Variants in EPSTI1 observed in about 807,000 individuals in gnomAD.
The protein encoded by EPSTI1 is epithelial-stromal interaction protein 1.
Under a neutral mutation model 49.9 loss-of-function variants are expected in EPSTI1, and 66 were observed. The observed-to-expected ratio is 1.32, with a 90% CI of 1.08 to 1.62. The LOEUF is 1.62. Ranked by LOEUF, EPSTI1 falls within the 40% of genes most tolerant of loss-of-function variation. EPSTI1 has a pLI of 0.00. For synonymous variants in EPSTI1, 137 were observed against 130.7 expected, an observed-to-expected ratio of 1.05 and a Z score of -0.33; for missense variants, 394 against 365.5, an observed-to-expected ratio of 1.08 and a Z score of -0.64.
At chr13:42,959,305 C>T (rs557062578) in intron 5 of EPSTI1, among the ~76,000 whole-genome samples, 1 of 152,310 alleles carries the variant, frequency 6.6e-6, no homozygotes, top group African/African-American at 2.4e-5. Context: ...TAACCAAAGG[C>T]TTAATGCTTC....
In EPSTI1 at chr13:42,953,992, A is replaced by C; in HGVS notation, c.519T>G (p.Leu173=). The change falls in exon 6 of 11, where the codon CTT becomes CTG. Residue 173 remains leucine, a synonymous_variant. Coordinates refer to ENST00000313624, the MANE Select transcript of EPSTI1 (RefSeq NM_033255.5). Reference sequence around the variant, plus strand: ...ATGCTTCTCTTCTAAGGTTTTCTTGAAGTCTTTTTTTCTCCTCCAGTTTAT... The same window carrying C: ...ATGCTTCTCTTCTAAGGTTTTCTTGCAGTCTTTTTTTCTCCTCCAGTTTAT... ...KSNKLEEKKR[L]QENLRREAFR... 1.2e-6 allele frequency: 2 copies of C among 1,612,826 alleles called. No individual in the cohort carries two copies. Among genetic ancestry groups the C allele is most frequent in the Non-Finnish European group, 1.7e-6 (2 of 1,179,824 alleles).
chr13:42,891,769 C>A (rs1052460818), intron 10 of EPSTI1, among the ~76,000 whole-genome samples: 7 of 152,188 alleles, frequency 4.6e-5, no homozygotes, highest in Non-Finnish European at 5.9e-5. Flanking sequence ...TGTTTTATGC[C>A]TGGGATACAC....
rs146916624 is a variant in EPSTI1 at position 42,899,666 on chromosome 13, A to G, written c.815+644T>C. Among the ~76,000 whole-genome samples the G allele has an allele frequency of 5.9e-5, 9 of 152,346 alleles. No individual in the cohort carries two copies. In the East Asian group the frequency reaches 1.7e-3, roughly 29 times the overall value. On this transcript the variant is annotated intron_variant, in intron 9 of 10. Coordinates refer to ENST00000313624, the MANE Select transcript of EPSTI1 (RefSeq NM_033255.5). ...ACATTCTTCTCCAAGATACTCAAGT[A>G]CACCCCTAATGAACTCAACTCGTGT...
chr13:42,977,591 G>A (rs2039904279), intron 1 of EPSTI1, among the ~76,000 whole-genome samples: 1 of 152,236 alleles, frequency 6.6e-6, no homozygotes, highest in African/African-American at 2.4e-5. Context: ...GAGGCAACCT[G>A]AATATGGAAG....
intron 8 of EPSTI1, among the ~76,000 whole-genome samples, chr13:42,903,152 T>C (rs9525704): frequency 0.24 from 36,802 of 151,974 alleles, 4,481 homozygotes; most frequent in Admixed American, 0.26. Flanking sequence ...TTCTGGAGTA[T>C]GACACAAAGA....
At chr13:42,932,009 G>T (rs1264200381) in intron 6 of EPSTI1, among the ~76,000 whole-genome samples, 2 of 152,078 alleles carry the variant, frequency 1.3e-5, no homozygotes, top group African/African-American at 4.8e-5. Context: ...TGTTGCCCAG[G>T]CTGGACAGCA....
At chr13:42,958,427 TGAGA>T (rs1181727236) in intron 5 of EPSTI1, among the ~76,000 whole-genome samples, 2 of 151,792 alleles carry the variant, frequency 1.3e-5, no homozygotes, top group Non-Finnish European at 2.9e-5. Context: ...GATTAAATCC[TGAGA>T]AAGAAAAACA....
chr13:42,982,807 G>C (rs1263457727), intron 1 of EPSTI1, among the ~76,000 whole-genome samples: 2 of 152,258 alleles, frequency 1.3e-5, no homozygotes, highest in East Asian at 3.9e-4. Flanking sequence ...AAATTTCTCT[G>C]ACCTTCCTCT....
chr13:42,977,675 T>C (rs908900277), intron 1 of EPSTI1, among the ~76,000 whole-genome samples: 1 of 152,222 alleles, frequency 6.6e-6, no homozygotes, highest in African/African-American at 2.4e-5. Context: ...ACCACATCAG[T>C]GGTAATCCGT....
intron 7 of EPSTI1, among the ~76,000 whole-genome samples, chr13:42,921,866 GAAAA>G (rs34619320): frequency 6.8e-6 from 1 of 147,174 alleles, no homozygotes; most frequent in Non-Finnish European, 1.5e-5. Flanking sequence ...AGGAGGGAGA[GAAAA>G]AAAAAAATCC....
At chr13:42,984,497 G>A (rs1162031940) in intron 1 of EPSTI1, among the ~76,000 whole-genome samples, 6 of 152,188 alleles carry the variant, frequency 3.9e-5, no homozygotes, top group East Asian at 1.9e-4. Context: ...CTTAAGTTCT[G>A]TCTCAGACAT....
chr13:42,926,262 A>C (rs2038173842), intron 7 of EPSTI1, 74 bp downstream of exon 7: 2 of 877,276 alleles, frequency 2.3e-6, no homozygotes, highest in Non-Finnish European at 3.9e-6. Flanking sequence ...AAGTCACTCT[A>C]TATCCCTCAT....
chr13:42,928,990 A>G (rs1193256542), intron 6 of EPSTI1, among the ~76,000 whole-genome samples: 1 of 152,208 alleles, frequency 6.6e-6, no homozygotes, highest in African/African-American at 2.4e-5. Flanking sequence ...GTTCCTAAAT[A>G]CCTGAGTGGA....
rs115387389 is a variant in EPSTI1, at chr13:42,991,919, G to C, written c.188+59C>G. 269 of 1,589,368 alleles carry C rather than the reference G, an allele frequency of 1.7e-4. No individual in the cohort carries two copies. The African/African-American group carries it at 3.3e-3, about 20-fold the overall frequency. ...AAACTCCAAGGACCAAGGTGCTTGT[G>C]AGTGAGTATGTTTGGGGCCCGGGCT... On this transcript the variant is annotated intron_variant, in intron 1 of 10. Transcript: ENST00000313624.
intron 8 of EPSTI1, among the ~76,000 whole-genome samples, chr13:42,913,580 T>C (rs2037746906): frequency 6.6e-6 from 1 of 152,210 alleles, no homozygotes; most frequent in South Asian, 2.1e-4. Flanking sequence ...AATGGAATTC[T>C]CATGAAGAGT....
chr13:42,889,366 AC>A (rs1413937098), intron 10 of EPSTI1: 3 of 618,762 alleles, frequency 4.8e-6, no homozygotes, highest in Non-Finnish European at 7.9e-6. Context: ...AAATCAATCC[AC>A]CTAACATACA....
chr13:42,889,187 A>C, intron 10 of EPSTI1: 7 of 1,558,564 alleles, frequency 4.5e-6, no homozygotes, highest in Non-Finnish European at 6.1e-6. Flanking sequence ...ATATTATTTA[A>C]AGGGATGTTT....
At chr13:42,923,428 G>C (rs990235542) in intron 7 of EPSTI1, among the ~76,000 whole-genome samples, 1 of 152,300 alleles carries the variant, frequency 6.6e-6, no homozygotes, top group Admixed American at 6.5e-5. Context: ...GGGCGTGGGG[G>C]TGCGTGCCTG....
intron 5 of EPSTI1, among the ~76,000 whole-genome samples, chr13:42,957,820 C>T (rs2039318649): frequency 6.6e-6 from 1 of 152,232 alleles, no homozygotes; most frequent in African/African-American, 2.4e-5. Context: ...AGCAATTGGC[C>T]CGCCTTAGCT....
Sources: gnomAD v4.1 joint callset for allele counts (sites outside exome capture counted in the v4.1 genomes callset) on GRCh38, gnomAD v4.1.1 for gene constraint, MANE v1.5 for transcripts, NCBI Gene and HGNC (gene_info 2026-07-23, HGNC 2026-07-21) for gene names.